SCN8A: variants seen among roughly 807,000 people sequenced by gnomAD.
The protein encoded by SCN8A is sodium voltage-gated channel alpha subunit 8.
Under a neutral mutation model 184.1 loss-of-function variants are expected in SCN8A, and 30 were observed. The ratio of observed to expected loss-of-function variants is 0.16; its 90% confidence interval spans 0.12 to 0.22. SCN8A has a LOEUF of 0.22. Among genes scored for constraint, SCN8A ranks in the 10% least tolerant of loss-of-function variants. The pLI, the probability that SCN8A is intolerant of heterozygous loss-of-function variation, is 1.00. For missense variants in SCN8A, 1,057 were observed against 2,498.9 expected (o/e 0.42, Z 12.30); for synonymous variants, 852 against 907.0 (o/e 0.94, Z 1.09).
intron 19 of SCN8A, among the ~76,000 whole-genome samples, chr12:51,773,093 G>A (rs1222819345): frequency 6.6e-6 from 1 of 151,840 alleles, no homozygotes; most frequent in African/African-American, 2.4e-5. Flanking sequence ...CTCCATCCTG[G>A]GCAACTGAGC....
At chr12:51,594,645 A>G (rs1348482215) in intron 1 of SCN8A, among the ~76,000 whole-genome samples, 2 of 152,240 alleles carry the variant, frequency 1.3e-5, no homozygotes, top group Non-Finnish European at 2.9e-5. Context: ...ATCAGTTACC[A>G]TAATTATAAA....
chr12:51,757,910 A>G (rs924142796), intron 14 of SCN8A, among the ~76,000 whole-genome samples: 24 of 152,304 alleles, frequency 1.6e-4, no homozygotes, highest in African/African-American at 5.8e-4. Context: ...ACTCCTTTAT[A>G]CTCTTAAATA....
At chr12:51,650,699 G>C (rs1471771138) in intron 1 of SCN8A, among the ~76,000 whole-genome samples, 1 of 152,044 alleles carries the variant, frequency 6.6e-6, no homozygotes, top group Non-Finnish European at 1.5e-5. Context: ...GATGGTTGTG[G>C]GTTTACCGGA....
chr12:51,784,688 C>T (rs1477861439), intron 21 of SCN8A, among the ~76,000 whole-genome samples: 1 of 152,112 alleles, frequency 6.6e-6, no homozygotes, highest in Admixed American at 6.5e-5. Context: ...TATATTGATT[C>T]ATTTGATCAA....
intron 6 of SCN8A, among the ~76,000 whole-genome samples, chr12:51,690,511 C>T (rs1243470507): frequency 2.6e-5 from 4 of 151,870 alleles, no homozygotes; most frequent in Non-Finnish European, 4.4e-5. Flanking sequence ...TGCCATCACA[C>T]CCAGCTCATT....
At chr12:51,726,151 T>A (rs889766536) in intron 12 of SCN8A, among the ~76,000 whole-genome samples, 20 of 152,238 alleles carry the variant, frequency 1.3e-4, no homozygotes, top group Non-Finnish European at 4.4e-5. Context: ...AGTGTTGAGA[T>A]TTTTTGATCA....
chr12:51,794,363 C>G lies in SCN8A; in HGVS notation c.4525-8C>G, dbSNP rs1447616092. 1 of 1,603,762 alleles carries G rather than the reference C, an allele frequency of 6.2e-7. No individual in the cohort carries two copies. Among genetic ancestry groups the G allele is most frequent in the South Asian group, 1.1e-5 (1 of 89,958 alleles). On this transcript the variant is annotated splice_polypyrimidine_tract_variant and splice_region_variant and intron_variant, in intron 25 of 26. Transcript: ENST00000627620. ...AATCTTTTATCTTTTCCTTCCCTTC[C>G]TCCCCAGAACAAAATCCAAGGAATC... is the stretch of plus-strand genomic sequence containing the variant.
chr12:51,787,557 A>G (rs1208502204), intron 22 of SCN8A, among the ~76,000 whole-genome samples: 7 of 152,222 alleles, frequency 4.6e-5, no homozygotes, highest in Admixed American at 1.3e-4. Flanking sequence ...CTGTTTCTTC[A>G]TCTATTAAAT....
At chr12:51,637,466 T>C (rs1940344049) in intron 1 of SCN8A, among the ~76,000 whole-genome samples, 1 of 152,256 alleles carries the variant, frequency 6.6e-6, no homozygotes, top group Non-Finnish European at 1.5e-5. Context: ...TTAAAAGTGC[T>C]ACTCTAGTGA....
Position 51,706,518 on chromosome 12 carries a change from A to G in SCN8A, c.1438A>G (p.Ile480Val), listed in dbSNP as rs1448021138. The change falls in exon 11 of 27, where the codon ATC becomes GTC. Residue 480 changes from isoleucine (I) to valine (V), a missense_variant. Physicochemically the swap from Ile to Val is conservative, Grantham distance 29. This residue lies in a region of SCN8A where 322 missense variants were observed against 390.1 expected (regional missense o/e 0.83). Transcript: ENST00000627620. ...GGGCTCCCCTCGGAGCTCTTCTGAA[A>G]TCTCTAAACTCAGCTCAAAGAGTGC... ...GGGSPRSSSE[I>V]SKLSSKSAKE... 4 of 1,605,670 alleles carry G rather than the reference A, an allele frequency of 2.5e-6. No individual in the cohort carries two copies. The African/African-American group carries it at 4.0e-5, about 16-fold the overall frequency.
At chr12:51,664,717 T>C (rs2138674477) in intron 2 of SCN8A, among the ~76,000 whole-genome samples, 1 of 152,308 alleles carries the variant, frequency 6.6e-6, no homozygotes, top group East Asian at 1.9e-4. Flanking sequence ...TTATTTTTTA[T>C]TTTTCCTTTA....
At chr12:51,709,862 A>G (rs1437373250) in intron 11 of SCN8A, among the ~76,000 whole-genome samples, 1 of 152,198 alleles carries the variant, frequency 6.6e-6, no homozygotes, top group Non-Finnish European at 1.5e-5. Context: ...CCTTAAGAAA[A>G]CAGGGAAGGA....
intron 1 of SCN8A, among the ~76,000 whole-genome samples, chr12:51,596,206 T>C (rs1044951947): frequency 2.6e-5 from 4 of 152,244 alleles, no homozygotes; most frequent in African/African-American, 9.6e-5. Context: ...CACTGTATAG[T>C]CTTTGAACTG....
chr12:51,718,325 A>T lies in SCN8A; in HGVS notation c.1636-3221A>T, dbSNP rs573500988. Reference sequence around the variant, plus strand: ...ACAGACCCCATCTCTATTAAAAAAAATTTTTTTTTAATTAGCCAGGCATGG... The same window carrying T: ...ACAGACCCCATCTCTATTAAAAAAATTTTTTTTTTAATTAGCCAGGCATGG... On this transcript the variant is annotated intron_variant, in intron 11 of 26. Coordinates refer to ENST00000627620, the MANE Select transcript of SCN8A (RefSeq NM_001330260.2). Among the ~76,000 whole-genome samples, 159 of 151,416 alleles carry T rather than the reference A, an allele frequency of 1.1e-3. 1 individual carries two copies. Among genetic ancestry groups the T allele is most frequent in the African/African-American group, 1.5e-3 (61 of 41,260 alleles).
chr12:51,774,103 TG>T, intron 19 of SCN8A, 85 bp from the exon 20 acceptor site: 2 of 1,245,634 alleles, frequency 1.6e-6, no homozygotes, highest in Non-Finnish European at 2.3e-6. Context: ...CCAGCCCATG[TG>T]GGACGGCTCC....
In SCN8A at chr12:51,591,458, C is replaced by T. The variant is rs377513284; in HGVS notation, c.-55+99C>T. ...TGAGCGGGGCTCGCCCATCTCCAGT[C>T]AGGGGCTTTGCCGCAGAGTGCGCGG... On this transcript the variant is annotated intron_variant, in intron 1 of 26. Coordinates refer to ENST00000627620, the MANE Select transcript of SCN8A (RefSeq NM_001330260.2). 5 of 152,880 alleles carry T rather than the reference C, an allele frequency of 3.3e-5. No individual in the cohort carries two copies. The East Asian group carries it at 9.7e-4, about 30-fold the overall frequency. 9.5% of individuals were successfully genotyped at this position (152,880 alleles called of 1,614,324 possible). A position where few individuals can be genotyped will look rare whatever the true frequency, so the allele number is the denominator to read the frequency against.
intron 19 of SCN8A, 66 bp from the exon 20 acceptor site, chr12:51,774,123 A>G: frequency 6.7e-7 from 1 of 1,496,168 alleles, no homozygotes; most frequent in Non-Finnish European, 9.2e-7. Flanking sequence ...CCCTGAGGAT[A>G]GCAGTGCTCC....
chr12:51,598,979 T>A (rs2138553409), intron 1 of SCN8A, among the ~76,000 whole-genome samples: 1 of 152,358 alleles, frequency 6.6e-6, no homozygotes, highest in Non-Finnish European at 1.5e-5. Context: ...TTATTTAATG[T>A]GCAAGTTAGT....
At chr12:51,638,819 G>C (rs1323545945) in intron 1 of SCN8A, among the ~76,000 whole-genome samples, 1 of 151,854 alleles carries the variant, frequency 6.6e-6, no homozygotes, top group African/African-American at 2.4e-5. Flanking sequence ...GAATGACTTT[G>C]AGGAGTTCAG....
Sources: gnomAD v4.1 joint callset for allele counts (sites outside exome capture counted in the v4.1 genomes callset) on GRCh38, gnomAD v4.1.1 for gene constraint, gnomAD v4.1.1 regional missense constraint, MANE v1.5 for transcripts, NCBI Gene and HGNC (gene_info 2026-07-23, HGNC 2026-07-21) for gene names.